The following GP2 variants were observed in gnomAD, a reference collection of about 807,000 sequenced individuals.
GP2 encodes pancreatic secretory granule membrane major glycoprotein GP2.
GP2 carries 58 observed loss-of-function variants against 60.8 expected under a neutral mutation model. That is an observed-to-expected ratio of 0.95 (90% CI 0.77 to 1.19). The LOEUF (loss-of-function observed/expected upper bound fraction) is 1.19, where lower values mean the gene tolerates loss of function less well. Among genes scored for constraint, GP2 ranks in the 50% most tolerant of loss-of-function variants. GP2 has a pLI of 0.00. For missense variants in GP2, 647 were observed against 667.4 expected, an observed-to-expected ratio of 0.97 and a Z score of 0.34; for synonymous variants, 280 against 253.4, an observed-to-expected ratio of 1.10 and a Z score of -1.00.
At chr16:20,314,827 A>G (rs1425244870) in intron 9 of GP2, 126 bp from the exon 10 acceptor site, 6 of 742,968 alleles carry the variant, frequency 8.1e-6, no homozygotes, top group Non-Finnish European at 1.5e-5. Flanking sequence ...TTGTGGCCAC[A>G]TTGTGGGGGC....
chr16:20,317,694 C>T (rs151166790), intron 7 of GP2, among the ~76,000 whole-genome samples: 13 of 152,316 alleles, frequency 8.5e-5, no homozygotes, highest in African/African-American at 3.1e-4. Flanking sequence ...CTGATGTGAG[C>T]ATTTAATCAG....
At position 20,320,403 on chromosome 16, in the gene GP2, C is replaced by T. The variant is rs1327766131; in HGVS notation, c.717G>A (p.Leu239=). The change falls in exon 5 of 11, where the codon TTG becomes TTA. Residue 239 remains leucine (L), a synonymous_variant. Transcript: ENST00000302555. ...CCTCCCCCAAACCCAGGCCTCCCAGCAAACATTTGTCCACCTTCACCTTGA... is the reference window on the plus strand; with the variant it reads ...CCTCCCCCAAACCCAGGCCTCCCAGTAAACATTTGTCCACCTTCACCTTGA... ...REIKVKVDKC[L]LGGLGLGEEV... 11 of 1,614,048 alleles carry T rather than the reference C, an allele frequency of 6.8e-6. No homozygotes were observed. The Admixed American group carries it at 1.7e-4, about 24-fold the overall frequency.
chr16:20,312,880 C>T (rs1387316167), intron 10 of GP2, among the ~76,000 whole-genome samples: 7 of 152,224 alleles, frequency 4.6e-5, no homozygotes, highest in Non-Finnish European at 4.4e-5. Flanking sequence ...GAACTCCTGA[C>T]GTCAGGTGGT....
At position 20,320,288 on chromosome 16, in the gene GP2, C is replaced by A. The variant is rs1487196635; in HGVS notation, c.832G>T (p.Ala278Ser). 3.7e-6 allele frequency: 6 copies of A among 1,613,922 alleles called. No homozygotes were observed. In the South Asian group the frequency reaches 6.6e-5, roughly 18 times the overall value. ...NWVSVTSPVQ[A>S]SACRNILERN... ...TCCAGAATGTTCCTGCAGGCACTAG[C>A]CTGGACGGGGCTGGTCACAGATACC... is the stretch of plus-strand genomic sequence containing the variant. The change falls in exon 5 of 11, where the codon GCT (alanine) becomes TCT (serine). Residue 278 changes from alanine to serine, a missense_variant. Ala to Ser is a moderately conservative substitution (Grantham distance 99). Coordinates refer to ENST00000302555, the MANE Select transcript of GP2 (RefSeq NM_001502.4).
In GP2 at chr16:20,323,816, C is replaced by G. The variant is rs1964447745; in HGVS notation, c.535G>C (p.Asp179His). Residue 179 changes from aspartate to histidine, a missense_variant and splice_region_variant, in exon 3 of 11, where the codon GAC (aspartate) becomes CAC (histidine). Physicochemically the swap from Asp to His is moderately conservative, Grantham distance 81. Coordinates refer to ENST00000302555, the MANE Select transcript of GP2 (RefSeq NM_001502.4). ...CCTCCTCCAGGGCTCTGCTGCTCAC[C>G]TGTGCAGTATCTCAGATTACACCAG... The part of the protein sequence containing the change: ...TPWCNLRYCT[D>H]PSTVEDKCEK... 1.9e-6 allele frequency: 3 copies of G among 1,601,476 alleles called. No individual in the cohort carries two copies. The highest frequency in any genetic ancestry group is 8.5e-7 in the Non-Finnish European group (1 of 1,172,040).
chr16:20,326,341 G>C lies in GP2; in HGVS notation c.91C>G (p.Arg31Gly). The C allele has an allele frequency of 6.2e-7, 1 of 1,613,538 alleles. No individual in the cohort carries two copies. The highest frequency in any genetic ancestry group is 8.5e-7 in the Non-Finnish European group (1 of 1,179,504). Residue 31 changes from arginine to glycine, a missense_variant, in exon 2 of 11, where the codon CGA becomes GGA. Arg to Gly is a moderately radical substitution (Grantham distance 125). Coordinates refer to ENST00000302555, the MANE Select transcript of GP2 (RefSeq NM_001502.4). ...GCCAGGTGAGCAGAATACTTACCTC[G>C]CTGCACTGCAGATGCCTGGGTCAGA... is the stretch of plus-strand genomic sequence containing the variant. ...CILTQASAVQRGYGNPIEASS... is the reference protein window; with the variant it reads ...CILTQASAVQGGYGNPIEASS...
intron 10 of GP2, among the ~76,000 whole-genome samples, chr16:20,312,195 G>A (rs1448236085): frequency 6.6e-6 from 1 of 152,174 alleles, no homozygotes; most frequent in East Asian, 1.9e-4. Context: ...TTTCAGTGAA[G>A]GACGTGGATC....
intron 10 of GP2, among the ~76,000 whole-genome samples, chr16:20,314,065 G>A (rs978689322): frequency 3.3e-5 from 5 of 151,970 alleles, no homozygotes; most frequent in Non-Finnish European, 7.4e-5. Flanking sequence ...ACACACCAGG[G>A]CCTTCCAGGG....
chr16:20,314,761 G>A, intron 9 of GP2, 60 bp from the exon 10 acceptor site: 1 of 1,189,036 alleles, frequency 8.4e-7, no homozygotes, highest in Non-Finnish European at 1.3e-6. Context: ...CTGCAACACT[G>A]TGGCCATAAC....
At position 20,310,133 on chromosome 16, in the gene GP2, A is replaced by G. The variant is rs1963956676; in HGVS notation, c.*1090T>C. On this transcript the variant is annotated 3_prime_UTR_variant, in exon 11 of 11. Coordinates refer to ENST00000302555, the MANE Select transcript of GP2 (RefSeq NM_001502.4). Reference sequence around the variant, plus strand: ...TGAAGTACTCATTAAAGGTCTCCAGAAAGGGACTTCACCCATCTCCTAGGC... The same window carrying G: ...TGAAGTACTCATTAAAGGTCTCCAGGAAGGGACTTCACCCATCTCCTAGGC... 1 of 152,204 alleles carries G rather than the reference A, an allele frequency of 6.6e-6. No homozygotes were observed. Among genetic ancestry groups the G allele is most frequent in the South Asian group, 2.1e-4 (1 of 4,828 alleles). The allele number at this position is 152,204 out of a possible 1,614,324, so 9.4% of individuals were successfully genotyped here. A position where few individuals can be genotyped will look rare whatever the true frequency, so the allele number is the denominator to read the frequency against.
Position 20,318,510 on chromosome 16 carries a change from G to A in GP2, c.1008-80C>T, listed in dbSNP as rs184250946. On this transcript the variant is annotated intron_variant, in intron 6 of 10. Coordinates refer to ENST00000302555, the MANE Select transcript of GP2 (RefSeq NM_001502.4). ...CCCTGCACTTACTTAACACACTTAC[G>A]AAGGCAAGGACACACATCTTGGATC... The A allele has an allele frequency of 4.4e-4, 572 of 1,307,772 alleles. 2 individuals carry two copies. In the African/African-American group the frequency reaches 5.7e-3, roughly 13 times the overall value. The allele number at this position is 1,307,772 out of a possible 1,614,324, so 81.0% of individuals were successfully genotyped here. A position where few individuals can be genotyped will look rare whatever the true frequency, so the allele number is the denominator to read the frequency against.
intron 8 of GP2, 121 bp from the exon 9 acceptor site, chr16:20,316,161 C>T: frequency 1.6e-6 from 1 of 614,928 alleles, no homozygotes; most frequent in Non-Finnish European, 2.9e-6. Flanking sequence ...ACGCTATGGC[C>T]CTAATTCCGA....
chr16:20,313,116 A>G (rs1964040997), intron 10 of GP2, among the ~76,000 whole-genome samples: 1 of 152,194 alleles, frequency 6.6e-6, no homozygotes, highest in Non-Finnish European at 1.5e-5. Flanking sequence ...GAACCTTTTC[A>G]TGTTTGGGTT....
chr16:20,319,852 T>C, intron 5 of GP2, 84 bp from the exon 6 acceptor site: 1 of 1,130,514 alleles, frequency 8.8e-7, no homozygotes, highest in Non-Finnish European at 1.3e-6. Flanking sequence ...ATTTCCAGAG[T>C]CAATTTGCTT....
In GP2 at chr16:20,310,672, C is replaced by T. The variant is rs1292749069; in HGVS notation, c.*551G>A. The T allele has an allele frequency of 6.6e-6, 1 of 152,452 alleles. No homozygotes were observed. Among genetic ancestry groups the T allele is most frequent in the African/African-American group, 2.4e-5 (1 of 41,326 alleles). The allele number at this position is 152,452 out of a possible 1,614,324, so 9.4% of individuals were successfully genotyped here. On this transcript the variant is annotated 3_prime_UTR_variant, in exon 11 of 11. Coordinates refer to ENST00000302555, the MANE Select transcript of GP2 (RefSeq NM_001502.4). ...GGCTGGAGCCACAGAGGGCACCTAG[C>T]AAGCTTGCTTTCAAGGTCCCATCAA...
Position 20,318,314 on chromosome 16 carries a change from G to A in GP2, c.1124C>T (p.Ser375Phe), listed in dbSNP as rs1185826790. ...CAAGATGGCACCCACATACAGCACG[G>A]ACTCAACAGACAGTTCAACTGCATC... ...EGDAVELSVE[S>F]VLYVGAILEQ... Residue 375 changes from serine to phenylalanine, a missense_variant, in exon 7 of 11, where the codon TCC becomes TTC. By Grantham distance (155) the Ser-to-Phe change is radical. Transcript: ENST00000302555. 6.2e-7 allele frequency: 1 copy of A among 1,613,854 alleles called. No individual in the cohort carries two copies. The highest frequency in any genetic ancestry group is 2.2e-5 in the East Asian group (1 of 44,870).
At position 20,317,272 on chromosome 16, in the gene GP2, G is replaced by T. The variant is rs761353267; in HGVS notation, c.1357C>A (p.Leu453Ile). The change falls in exon 8 of 11, where the codon CTA (leucine) becomes ATA (isoleucine). Residue 453 changes from leucine (L) to isoleucine (I), a missense_variant. Leu to Ile is a conservative substitution (Grantham distance 5). Coordinates refer to ENST00000302555, the MANE Select transcript of GP2 (RefSeq NM_001502.4). Reference sequence around the variant, plus strand: ...TGAATCTCACAATGCAGGAAAACTAGGTCATAATGTCCAGCAAACATGAAC... The same window carrying T: ...TGAATCTCACAATGCAGGAAAACTATGTCATAATGTCCAGCAAACATGAAC... ...QMFMFAGHYD[L>I]VFLHCEIHLC... The T allele has an allele frequency of 1.2e-6, 2 of 1,613,232 alleles. No homozygotes were observed. Among genetic ancestry groups the T allele is most frequent in the Non-Finnish European group, 1.7e-6 (2 of 1,179,198 alleles).
Position 20,326,384 on chromosome 16 carries a change from C to G in GP2, c.48G>C (p.Leu16=), listed in dbSNP as rs1964535809. Residue 16 remains leucine, a synonymous_variant, in exon 2 of 11, where the codon CTG becomes CTC. Coordinates refer to ENST00000302555, the MANE Select transcript of GP2 (RefSeq NM_001502.4). ...ERMVGSGLLW[L]ALVSCILTQA... ...GGGTCAGAATGCAGGAGACCAAGGC[C>G]AGCCACAGGAGGCCAGAGCCCACCA... 6.2e-7 allele frequency: 1 copy of G among 1,613,848 alleles called. No individual in the cohort carries two copies. Among genetic ancestry groups the G allele is most frequent in the Non-Finnish European group, 8.5e-7 (1 of 1,179,764 alleles).
Position 20,327,210 on chromosome 16 carries a change from A to C in GP2, c.-37+257T>G, listed in dbSNP as rs553850944. The C allele has an allele frequency of 1.6e-5, 5 of 317,582 alleles. No individual in the cohort carries two copies. In the Admixed American group the frequency reaches 1.7e-4, roughly 11 times the overall value. 19.7% of individuals were successfully genotyped at this position (317,582 alleles called of 1,614,324 possible). On this transcript the variant is annotated intron_variant, in intron 1 of 10. Transcript: ENST00000302555. ...TGGTGATTCTTAGAGATGAGATCCC[A>C]ATAGAGACCTAGTTCCCTGGTGGGA... is the stretch of plus-strand genomic sequence containing the variant.
Sources: gnomAD v4.1 joint callset for allele counts (sites outside exome capture counted in the v4.1 genomes callset) on GRCh38, gnomAD v4.1.1 for gene constraint, MANE v1.5 for transcripts, NCBI Gene and HGNC (gene_info 2026-07-23, HGNC 2026-07-21) for gene names.